The following MSTO1 variants were observed in gnomAD, a reference collection of about 807,000 sequenced individuals.
The protein encoded by MSTO1 is protein misato homolog 1.
A neutral mutation model predicts 55.7 loss-of-function variants in MSTO1; 24 were observed. The ratio of observed to expected loss-of-function variants is 0.43; its 90% CI spans 0.31 to 0.61. The LOEUF is 0.61. MSTO1 is among the 20% of genes least tolerant of loss of function. The pLI is 0.09. For synonymous variants in MSTO1, 162 were observed against 252.8 expected (o/e 0.64, Z 3.41); for missense variants, 363 against 625.7 (o/e 0.58, Z 4.48).
chr1:155,595,302 C>T, the MSTO1 span, among the ~76,000 whole-genome samples: 6 of 151,360 alleles, frequency 4.0e-5, no homozygotes, highest in African/African-American at 7.3e-5. Flanking sequence ...CTCAGCCTCC[C>T]GAGCAACTGG....
upstream of MSTO1, among the ~76,000 whole-genome samples, chr1:155,608,258 C>G (rs34124416): frequency 0.31 from 46,713 of 151,978 alleles, 7,636 homozygotes; most frequent in East Asian, 0.7. Context: ...CTAATTCCTG[C>G]GCTGAAGCGA....
chr1:155,564,978 G>A, the MSTO1 span, among the ~76,000 whole-genome samples: 3 of 151,810 alleles, frequency 2.0e-5, no homozygotes, highest in Non-Finnish European at 2.9e-5. Context: ...AAAATTAGCC[G>A]GGCGTGGTGG....
chr1:155,601,426 T>C, the MSTO1 span, among the ~76,000 whole-genome samples: 1 of 151,982 alleles, frequency 6.6e-6, no homozygotes, highest in East Asian at 1.9e-4. Flanking sequence ...TGTAAGCCAC[T>C]GTACCTGGCC....
At chr1:155,589,945 A>C in the MSTO1 span, among the ~76,000 whole-genome samples, 1 of 137,158 alleles carries the variant, frequency 7.3e-6, no homozygotes, top group Non-Finnish European at 1.6e-5. Flanking sequence ...TTGACACTTA[A>C]TTTTTTTTTT....
At chr1:155,608,308 G>A (rs1672996381), upstream of MSTO1, among the ~76,000 whole-genome samples, 2 of 152,076 alleles carry the variant, frequency 1.3e-5, no homozygotes, top group Non-Finnish European at 2.9e-5. Context: ...ACAGATGTGG[G>A]CTGCCTAGCT....
At chr1:155,582,880 GT>G in the MSTO1 span, among the ~76,000 whole-genome samples, 1 of 151,496 alleles carries the variant, frequency 6.6e-6, no homozygotes, top group Non-Finnish European at 1.5e-5. Context: ...TTTTTGTTTT[GT>G]TTTTTGTTTT....
chr1:155,603,800 G>A, the MSTO1 span, among the ~76,000 whole-genome samples: 1 of 152,140 alleles, frequency 6.6e-6, no homozygotes, highest in Non-Finnish European at 1.5e-5. Flanking sequence ...AGAGGTTGCA[G>A]TGAGCTGAGA....
the MSTO1 span, among the ~76,000 whole-genome samples, chr1:155,583,065 G>C: frequency 0.061 from 9,287 of 151,458 alleles, 961 homozygotes; most frequent in African/African-American, 0.22. Context: ...GAGTTGCAGT[G>C]TGGCCACGTT....
chr1:155,588,869 T>C, the MSTO1 span, among the ~76,000 whole-genome samples: 2,989 of 152,064 alleles, frequency 0.02, 101 homozygotes, highest in African/African-American at 0.069. Flanking sequence ...TATATGGCTC[T>C]CCCTGCATGT....
the MSTO1 span, among the ~76,000 whole-genome samples, chr1:155,574,434 T>A: frequency 5.8e-4 from 89 of 152,328 alleles, no homozygotes; most frequent in Middle Eastern, 0.014. Context: ...CTTTAATTTC[T>A]TAATTTTGAT....
At chr1:155,608,714 G>A (rs1031753298), upstream of MSTO1, among the ~76,000 whole-genome samples, 2 of 151,882 alleles carry the variant, frequency 1.3e-5, no homozygotes, top group Non-Finnish European at 2.9e-5. Context: ...GTGTTAGCCA[G>A]GATGGTCTCG....
the MSTO1 span, among the ~76,000 whole-genome samples, chr1:155,579,046 G>T: frequency 4.6e-5 from 7 of 151,128 alleles, no homozygotes; most frequent in African/African-American, 1.7e-4. Context: ...GGTGGCTCAC[G>T]CTTGTCATCC....
At chr1:155,590,698 C>G in the MSTO1 span, 1 of 1,528,952 alleles carries the variant, frequency 6.5e-7, no homozygotes, top group Non-Finnish European at 8.9e-7. Flanking sequence ...GCCCCGTGAC[C>G]CCCCGGAGGG....
chr1:155,576,472 G>A, the MSTO1 span, among the ~76,000 whole-genome samples: 1 of 151,456 alleles, frequency 6.6e-6, no homozygotes, highest in African/African-American at 2.4e-5. Flanking sequence ...GACTACAGGT[G>A]CGCACCACCA....
At chr1:155,591,214 C>G in the MSTO1 span, 3 of 1,611,996 alleles carry the variant, frequency 1.9e-6, no homozygotes, top group African/African-American at 1.3e-5. Flanking sequence ...TTCACCCAGC[C>G]CAGCAGTGTC....
the MSTO1 span, among the ~76,000 whole-genome samples, chr1:155,573,840 CAAA>C: frequency 3.4e-5 from 3 of 88,848 alleles, no homozygotes; most frequent in Non-Finnish European, 2.3e-5. Flanking sequence ...CTCCATCTCA[CAAA>C]AAAAAAAAAA....
chr1:155,581,870 T>C, the MSTO1 span, among the ~76,000 whole-genome samples: 7 of 150,498 alleles, frequency 4.7e-5, no homozygotes, highest in African/African-American at 1.5e-4. Context: ...CTTGGCTCAC[T>C]ACAACCTCCG....
chr1:155,570,469 G>A, the MSTO1 span, among the ~76,000 whole-genome samples: 1 of 152,132 alleles, frequency 6.6e-6, no homozygotes, highest in Non-Finnish European at 1.5e-5. Flanking sequence ...AGTGATTCAG[G>A]ATCACCCTAA....
At chr1:155,577,387 C>T in the MSTO1 span, among the ~76,000 whole-genome samples, 1 of 152,042 alleles carries the variant, frequency 6.6e-6, no homozygotes, top group Non-Finnish European at 1.5e-5. Context: ...CACGCCCGGC[C>T]GCCCCCTCCA....
Sources: gnomAD v4.1 joint callset for allele counts (sites outside exome capture counted in the v4.1 genomes callset) on GRCh38, gnomAD v4.1.1 for gene constraint, MANE v1.5 for transcripts, NCBI Gene and HGNC (gene_info 2026-07-23, HGNC 2026-07-21) for gene names.